LRRTM4: variants seen among roughly 807,000 people sequenced by gnomAD.
LRRTM4 encodes leucine-rich repeat transmembrane neuronal protein 4.
Under a neutral mutation model 47.6 loss-of-function variants are expected in LRRTM4, and 25 were observed. That is an observed-to-expected ratio of 0.53 (90% CI 0.38 to 0.73). The LOEUF (loss-of-function observed/expected upper bound fraction) is 0.73, where lower values mean the gene tolerates loss of function less well. LRRTM4 is among the 30% of genes least tolerant of loss of function. The pLI is 0.00. For missense variants in LRRTM4, 638 were observed against 713.4 expected (o/e 0.89, Z 1.20); for synonymous variants, 311 against 269.5 (o/e 1.15, Z -1.51).
At chr2:77,051,781 G>A (rs923107499) in intron 3 of LRRTM4, among the ~76,000 whole-genome samples, 2 of 152,056 alleles carry the variant, frequency 1.3e-5, no homozygotes, top group Non-Finnish European at 2.9e-5. Context: ...TGCAACTTGA[G>A]CACCTGAATA....
At chr2:76,857,599 C>T (rs937755889) in intron 3 of LRRTM4, among the ~76,000 whole-genome samples, 16 of 151,890 alleles carry the variant, frequency 1.1e-4, no homozygotes, top group African/African-American at 3.9e-4. Context: ...AGACTGAAAA[C>T]CTAACACAGC....
intron 3 of LRRTM4, among the ~76,000 whole-genome samples, chr2:76,903,108 G>A (rs12615849): frequency 0.19 from 28,127 of 151,866 alleles, 3,701 homozygotes; most frequent in East Asian, 0.59. Context: ...ACAGTGGCTC[G>A]TGCCTGTAAT....
chr2:76,796,905 A>G lies in LRRTM4; in HGVS notation c.1552-47989T>C, dbSNP rs571837287. 1.8e-3 allele frequency among the ~76,000 whole-genome samples: 279 copies of G among 152,200 alleles called. 1 individual carries two copies. The highest frequency in any genetic ancestry group is 6.1e-3 in the African/African-American group (252 of 41,560). On this transcript the variant is annotated intron_variant, in intron 3 of 3. Transcript: ENST00000409884. ...GAAGATGAAATGAAGCGAGAAGGGAAGTTTAGAGAAAAAAGAATAAAAAGA... is the reference window on the plus strand; with the variant it reads ...GAAGATGAAATGAAGCGAGAAGGGAGGTTTAGAGAAAAAAGAATAAAAAGA...
At chr2:77,040,385 C>G (rs1283571213) in intron 3 of LRRTM4, among the ~76,000 whole-genome samples, 2 of 151,122 alleles carry the variant, frequency 1.3e-5, no homozygotes, top group Admixed American at 1.3e-4. Context: ...TCTACTGAAA[C>G]AAAATGAAGC....
intron 3 of LRRTM4, among the ~76,000 whole-genome samples, chr2:77,490,810 C>T (rs1341219535): frequency 6.6e-6 from 1 of 152,070 alleles, no homozygotes; most frequent in African/African-American, 2.4e-5. Flanking sequence ...CTTTTGCAAA[C>T]ACCCTATTGG....
At chr2:77,300,496 T>A (rs901141043) in intron 3 of LRRTM4, among the ~76,000 whole-genome samples, 8 of 152,170 alleles carry the variant, frequency 5.3e-5, no homozygotes, top group Non-Finnish European at 1.0e-4. Flanking sequence ...GCGGCTCAAT[T>A]CTTTATTTGT....
At chr2:76,786,473 A>G (rs1354560496) in intron 3 of LRRTM4, among the ~76,000 whole-genome samples, 3 of 152,140 alleles carry the variant, frequency 2.0e-5, no homozygotes, top group African/African-American at 7.2e-5. Flanking sequence ...CTCTAAAAAA[A>G]CAGTAGTTAT....
intron 3 of LRRTM4, among the ~76,000 whole-genome samples, chr2:77,009,975 T>TAA (rs60699157): frequency 3.4e-4 from 50 of 145,688 alleles, no homozygotes; most frequent in African/African-American, 1.2e-3. Flanking sequence ...ACCCTTTTTT[T>TAA]AAAAAAAAAA....
chr2:77,479,141 C>T (rs1677551983), intron 3 of LRRTM4, among the ~76,000 whole-genome samples: 1 of 152,140 alleles, frequency 6.6e-6, no homozygotes, highest in Admixed American at 6.5e-5. Flanking sequence ...GGGGATCCAC[C>T]TGTCTCGGCC....
chr2:76,846,668 C>T (rs1469077224), intron 3 of LRRTM4, among the ~76,000 whole-genome samples: 1 of 151,970 alleles, frequency 6.6e-6, no homozygotes, highest in Non-Finnish European at 1.5e-5. Flanking sequence ...CTGCTTTACT[C>T]ATTTAATTAA....
At chr2:77,195,907 G>A (rs930403143) in intron 3 of LRRTM4, among the ~76,000 whole-genome samples, 9 of 152,044 alleles carry the variant, frequency 5.9e-5, no homozygotes, top group African/African-American at 9.7e-5. Context: ...TCATAGAAGA[G>A]GTAGTATTTA....
intron 3 of LRRTM4, among the ~76,000 whole-genome samples, chr2:76,947,583 G>A (rs938368589): frequency 3.3e-5 from 5 of 151,566 alleles, no homozygotes; most frequent in Admixed American, 6.6e-5. Flanking sequence ...AGGAATCAAC[G>A]TATAGACTAA....
chr2:77,378,838 G>C (rs1257827110), intron 3 of LRRTM4, among the ~76,000 whole-genome samples: 4 of 152,098 alleles, frequency 2.6e-5, no homozygotes, highest in African/African-American at 4.8e-5. Flanking sequence ...AGCAAATGAG[G>C]CCACCGGAGG....
chr2:76,814,486 A>C (rs145584224), intron 3 of LRRTM4, among the ~76,000 whole-genome samples: 125 of 152,228 alleles, frequency 8.2e-4, no homozygotes, highest in Non-Finnish European at 1.5e-3. Flanking sequence ...GGATTCAAAC[A>C]ACCATGGATC....
chr2:76,808,095 C>T (rs1446818908), intron 3 of LRRTM4, among the ~76,000 whole-genome samples: 1 of 151,666 alleles, frequency 6.6e-6, no homozygotes, highest in Admixed American at 6.6e-5. Flanking sequence ...TCTCAACTCA[C>T]TGCAACCTCC....
chr2:77,321,482 T>C (rs1361342826), intron 3 of LRRTM4, among the ~76,000 whole-genome samples: 1 of 147,436 alleles, frequency 6.8e-6, no homozygotes, highest in Non-Finnish European at 1.5e-5. Flanking sequence ...CTGAAGTGTT[T>C]TAACTTTCCC....
intron 3 of LRRTM4, among the ~76,000 whole-genome samples, chr2:76,793,103 AATTACAGGTTAAT>A (rs1457033376): frequency 6.6e-6 from 1 of 152,168 alleles, no homozygotes; most frequent in Non-Finnish European, 1.5e-5. Flanking sequence ...TAGAACTTGG[AATTACAGGTTAAT>A]ATTTTCCCTC....
intron 3 of LRRTM4, among the ~76,000 whole-genome samples, chr2:77,028,912 G>A (rs1372622651): frequency 6.6e-6 from 1 of 151,246 alleles, no homozygotes; most frequent in South Asian, 2.1e-4. Context: ...GTGGGGGCCT[G>A]TAGTCCCAGC....
intron 3 of LRRTM4, among the ~76,000 whole-genome samples, chr2:77,101,037 A>G (rs1463328505): frequency 1.3e-5 from 2 of 151,874 alleles, no homozygotes; most frequent in African/African-American, 4.8e-5. Flanking sequence ...GGGTTTCACC[A>G]CATTGGCCAG....
Sources: allele counts gnomAD v4.1 joint callset (sites outside exome capture counted in the v4.1 genomes callset), GRCh38; gene constraint gnomAD v4.1.1; transcripts MANE v1.5; gene names NCBI Gene and HGNC (gene_info 2026-07-23, HGNC 2026-07-21).